The following PITPNM1 variants were observed in gnomAD, a reference collection of about 807,000 sequenced individuals.
The protein encoded by PITPNM1 is membrane-associated phosphatidylinositol transfer protein 1.
PITPNM1 carries 74 observed loss-of-function variants against 133.3 expected under a neutral mutation model. The observed-to-expected ratio is 0.56, with a 90% CI of 0.46 to 0.67. The LOEUF (loss-of-function observed/expected upper bound fraction) is 0.67. PITPNM1 is among the 30% of genes least tolerant of loss of function. The pLI is 0.00. For missense variants in PITPNM1, 1,398 were observed against 1,739.5 expected (o/e 0.80, Z 3.49); for synonymous variants, 738 against 741.4 (o/e 1.00, Z 0.08).
Position 67,499,983 on chromosome 11 carries a change from C to CA in PITPNM1, c.993dup (p.Glu332Ter). The CA allele has an allele frequency of 6.2e-7, 1 of 1,612,600 alleles. No individual in the cohort carries two copies. Among genetic ancestry groups the CA allele is most frequent in the Non-Finnish European group, 8.5e-7 (1 of 1,179,864 alleles). ...CGGGCAATGTTCTGCATGCGCCACT[C>CA]AGACAAGCTCTGGGGAGACACAGCC... On this transcript the variant is annotated frameshift_variant, in exon 7 of 24. Transcript: ENST00000356404. LOFTEE classifies it high-confidence loss of function.
Position 67,493,982 on chromosome 11 carries a change from A to G in PITPNM1, c.2948T>C (p.Phe983Ser), listed in dbSNP as rs2134273127. ...CAGCGCGCGTTCTGGGGGAACTGGG[A>G]AGGTGAGGCGGCCCGAGCTATTGGT... ...EVTNSSGRLT[F>S]PVPPERALGI... is the part of the protein sequence containing the mutation. Residue 983 changes from phenylalanine (F) to serine (S), a missense_variant, in exon 20 of 24, where the codon TTC (phenylalanine) becomes TCC (serine). Transcript: ENST00000356404. 1 of 1,611,910 alleles carries G rather than the reference A, an allele frequency of 6.2e-7. No homozygotes were observed. Among genetic ancestry groups the G allele is most frequent in the Non-Finnish European group, 8.5e-7 (1 of 1,179,530 alleles).
rs201226579 is a variant in PITPNM1, at chr11:67,494,963, G to T, written c.2632-7C>A. 6.2e-7 allele frequency: 1 copy of T among 1,611,546 alleles called. No individual in the cohort carries two copies. The highest frequency in any genetic ancestry group is 8.5e-7 in the Non-Finnish European group (1 of 1,179,084). The stretch of plus-strand genomic sequence containing the variant: ...GCCGCTCCTTCTCGATCACCTGCAC[G>T]GGACAGGGGGCGAGGCCTCTGTCTC... On this transcript the variant is annotated splice_region_variant and splice_polypyrimidine_tract_variant and intron_variant, in intron 17 of 23. Transcript: ENST00000356404.
At chr11:67,496,120 TCCTCCCTTCCTGTGTGTGC>T in intron 15 of PITPNM1, 39 bp downstream of exon 15, 1 of 1,412,372 alleles carries the variant, frequency 7.1e-7, no homozygotes, top group Non-Finnish European at 9.3e-7. Flanking sequence ...TTCTGCTACC[TCCTCCCTTCCTGTGTGTGC>T]CCTCCTCCTT....
At chr11:67,494,404 GGGATGCTTGGGGAGGGGGAGCGGGTGA>G (rs1426677286) in intron 18 of PITPNM1, 44 bp from the exon 19 acceptor site, 2 of 1,382,504 alleles carry the variant, frequency 1.4e-6, no homozygotes, top group Admixed American at 4.1e-5. Flanking sequence ...GCAAAGGATG[GGGATGCTTGGGGAGGGGGAGCGGGTGA>G]GGATCCACAC....
chr11:67,495,602 G>A lies in PITPNM1; in HGVS notation c.2318C>T (p.Ala773Val). 1 of 1,563,678 alleles carries A rather than the reference G, an allele frequency of 6.4e-7. No homozygotes were observed. Among genetic ancestry groups the A allele is most frequent in the South Asian group, 1.2e-5 (1 of 84,454 alleles). The change falls in exon 16 of 24, where the codon GCC becomes GTC. Residue 773 changes from alanine to valine, a missense_variant and splice_region_variant. Physicochemically the swap from Ala to Val is moderately conservative, Grantham distance 64. Transcript: ENST00000356404. ...PLGDGSSLLL[A>V]DTLQTHSSLF... is the part of the protein sequence containing the mutation. ...GCTGGAGTGCGTCTGCAGAGTGTCG[G>A]CTGGGGGAAGGAGGGCAAGGTCAGC... is the stretch of plus-strand genomic sequence containing the variant.
In PITPNM1 at chr11:67,494,259, C is replaced by A. The variant is rs764353042; in HGVS notation, c.2844G>T (p.Thr948=). ...RFMYGPLDVV[T]LTGEKVDVYI... ...GGGTCCTGACCTTCTCTCCAGTGAGCGTGACGACGTCCAGGGGCCCGTACA... is the reference window on the plus strand; with the variant it reads ...GGGTCCTGACCTTCTCTCCAGTGAGAGTGACGACGTCCAGGGGCCCGTACA... The change falls in exon 19 of 24, where the codon ACG becomes ACT. Residue 948 remains threonine, a synonymous_variant. Coordinates refer to ENST00000356404, the MANE Select transcript of PITPNM1 (RefSeq NM_004910.3). The A allele has an allele frequency of 6.2e-7, 1 of 1,612,442 alleles. No individual in the cohort carries two copies. The highest frequency in any genetic ancestry group is 8.5e-7 in the Non-Finnish European group (1 of 1,179,660).
intron 8 of PITPNM1, 94 bp downstream of exon 8, chr11:67,499,629 C>T: frequency 5.7e-6 from 3 of 526,128 alleles, no homozygotes; most frequent in South Asian, 4.6e-5. Context: ...TTAATGAGCA[C>T]CTCTTCAGAT....
At chr11:67,493,279 C>T (rs1414141029) in intron 22 of PITPNM1, 131 bp downstream of exon 22, 2 of 1,127,468 alleles carry the variant, frequency 1.8e-6, no homozygotes, top group Admixed American at 2.8e-5. Flanking sequence ...AGGACCGTAG[C>T]GGGCCGCTGC....
Position 67,502,291 on chromosome 11 carries a change from C to T in PITPNM1, c.415+1G>A. On this transcript the variant is annotated splice_donor_variant, in intron 4 of 23. Coordinates refer to ENST00000356404, the MANE Select transcript of PITPNM1 (RefSeq NM_004910.3). LOFTEE classifies it high-confidence loss of function. This position sits in a 1 kb window ranked among gnomAD's most constrained non-coding sequence, Gnocchi z 5.9. ...GGTCCCCCCATAGCTCCAGGCCTCA[C>T]CCAGGATGCGCTGTCTCCTCTCGGC... is the stretch of plus-strand genomic sequence containing the variant. The T allele has an allele frequency of 6.2e-7, 1 of 1,612,768 alleles. No homozygotes were observed. Among genetic ancestry groups the T allele is most frequent in the Non-Finnish European group, 8.5e-7 (1 of 1,179,946 alleles).
rs1344512317 is a variant in PITPNM1, at chr11:67,495,095, C to T, written c.2613G>A (p.Val871=). Residue 871 remains valine (V), a synonymous_variant, in exon 17 of 24, where the codon GTG becomes GTA. Transcript: ENST00000356404. ...HASYWESADV[V]AFILRQVIEK... ...GGCCCACCTGGCGCAGGATGAACGC[C>T]ACCACGTCGGCGGACTCCCAGTAGC... The T allele has an allele frequency of 1.9e-6, 3 of 1,612,794 alleles. No individual in the cohort carries two copies. Among genetic ancestry groups the T allele is most frequent in the Admixed American group, 3.3e-5 (2 of 59,992 alleles).
At chr11:67,492,698 G>C (rs996876993) in intron 23 of PITPNM1, among the ~76,000 whole-genome samples, 1 of 152,260 alleles carries the variant, frequency 6.6e-6, no homozygotes, top group Non-Finnish European at 1.5e-5. Flanking sequence ...AGCCATGGCC[G>C]AGTGGAACCA....
At position 67,502,850 on chromosome 11, in the gene PITPNM1, C is replaced by T. The variant is rs1565196991; in HGVS notation, c.79-132G>A. On this transcript the variant is annotated intron_variant, in intron 2 of 23. Transcript: ENST00000356404. This position sits in a 1 kb window ranked among gnomAD's most constrained non-coding sequence, Gnocchi z 5.9. ...TTTTCAACTCCCTGAAACCAGACCC[C>T]GCCCCACCAAAGCTCCCTGGGATCA... 8.4e-6 allele frequency: 7 copies of T among 837,000 alleles called. No individual in the cohort carries two copies. The highest frequency in any genetic ancestry group is 3.4e-5 in the South Asian group (2 of 58,556). 51.8% of individuals were successfully genotyped at this position (837,000 alleles called of 1,614,324 possible). A position where few individuals can be genotyped will look rare whatever the true frequency, so the allele number is the denominator to read the frequency against.
rs778936054 is a variant in PITPNM1, at chr11:67,499,014, G to A, written c.1172-13C>T. On this transcript the variant is annotated splice_polypyrimidine_tract_variant and intron_variant, in intron 8 of 23. Transcript: ENST00000356404. The stretch of plus-strand genomic sequence containing the variant: ...TCGGCTCCAGGCTCTGCAGGGCAAC[G>A]AAGCCAGTGAGAGGGACGGAGAGGA... 4.2e-5 allele frequency: 67 copies of A among 1,607,680 alleles called. No individual in the cohort carries two copies. Among genetic ancestry groups the A allele is most frequent in the South Asian group, 3.3e-4 (30 of 90,604 alleles).
rs371168850 is a variant in PITPNM1 at position 67,496,167 on chromosome 11, T to C, written c.2317+11A>G. 4.0e-6 allele frequency: 6 copies of C among 1,504,698 alleles called. No individual in the cohort carries two copies. The African/African-American group carries it at 8.8e-5, about 22-fold the overall frequency. 93.2% of individuals were successfully genotyped at this position (1,504,698 alleles called of 1,614,324 possible). ...TCCTCCTTCTCCCCTTTATCTTGTT[T>C]GGGGGCGTACCCAGCAGCAGGGATG... On this transcript the variant is annotated intron_variant, in intron 15 of 23. Coordinates refer to ENST00000356404, the MANE Select transcript of PITPNM1 (RefSeq NM_004910.3).
chr11:67,497,806 G>T, intron 12 of PITPNM1, 111 bp downstream of exon 12: 1 of 1,455,616 alleles, frequency 6.9e-7, no homozygotes, highest in Non-Finnish European at 9.4e-7. Flanking sequence ...TGAACTGGCA[G>T]GGCAGCAGGG....
At chr11:67,494,462 C>CT in intron 18 of PITPNM1, 102 bp from the exon 19 acceptor site, 2 of 780,774 alleles carry the variant, frequency 2.6e-6, no homozygotes, top group Non-Finnish European at 4.0e-6. Flanking sequence ...GGGTGGGGGC[C>CT]TAGAGGCGGC....
In PITPNM1 at chr11:67,504,174, T is replaced by C. The variant is rs749364123; in HGVS notation, c.7A>G (p.Ile3Val). ...GGCAGCAGAATGTGGTATTCCTTGA[T>C]GAGCATCCTGAAGGCGCTCGGCGGG... is the stretch of plus-strand genomic sequence containing the variant. MLIKEYHILLPMS... is the reference protein window; with the variant it reads MLVKEYHILLPMS... Residue 3 changes from isoleucine (I) to valine (V), a missense_variant, in exon 2 of 24, where the codon ATC becomes GTC. By Grantham distance (29) the Ile-to-Val change is conservative (BLOSUM62 3). This residue lies in a region of PITPNM1 where 274 missense variants were observed against 360.7 expected (regional missense o/e 0.76). Coordinates refer to ENST00000356404, the MANE Select transcript of PITPNM1 (RefSeq NM_004910.3). This position sits in a 1 kb window ranked among gnomAD's most constrained non-coding sequence, Gnocchi z 5.4. The C allele has an allele frequency of 1.2e-5, 20 of 1,605,296 alleles. No homozygotes were observed. The highest frequency in any genetic ancestry group is 1.6e-5 in the Non-Finnish European group (19 of 1,176,938).
Position 67,497,247 on chromosome 11 carries a change from C to T in PITPNM1, c.2130G>A (p.Val710=). 1.2e-6 allele frequency: 2 copies of T among 1,608,678 alleles called. No individual in the cohort carries two copies. The highest frequency in any genetic ancestry group is 1.7e-6 in the Non-Finnish European group (2 of 1,177,174). Reference sequence around the variant, plus strand: ...AGGACTCACCCTCCAGGGCGGGCATCACAGTTTTGCGCAGAGCCAGCACCA... The same window carrying T: ...AGGACTCACCCTCCAGGGCGGGCATTACAGTTTTGCGCAGAGCCAGCACCA... ...LGLVLALRKT[V]MPALEAAQMR... The change falls in exon 14 of 24, where the codon GTG becomes GTA. Residue 710 remains valine (V), a synonymous_variant. Coordinates refer to ENST00000356404, the MANE Select transcript of PITPNM1 (RefSeq NM_004910.3).
At position 67,502,059 on chromosome 11, in the gene PITPNM1, A is replaced by G. The variant is rs763421674; in HGVS notation, c.443T>C (p.Val148Ala). 1 of 1,613,082 alleles carries G rather than the reference A, an allele frequency of 6.2e-7. No individual in the cohort carries two copies. Among genetic ancestry groups the G allele is most frequent in the Non-Finnish European group, 8.5e-7 (1 of 1,179,880 alleles). ...LDTIDIVRDAVAPGEYKAEED... is the reference protein window; with the variant it reads ...LDTIDIVRDAAAPGEYKAEED... ...TTCTGCTTTGTACTCGCCTGGGGCC[A>G]CTGCATCCCGCACGATGTCGATGGT... The change falls in exon 5 of 24, where the codon GTG becomes GCG. Residue 148 changes from valine to alanine, a missense_variant. Transcript: ENST00000356404. This position sits in a 1 kb window ranked among gnomAD's most constrained non-coding sequence, Gnocchi z 5.9.
Sources: gnomAD v4.1 joint callset for allele counts (sites outside exome capture counted in the v4.1 genomes callset) on GRCh38, gnomAD v4.1.1 for gene constraint, gnomAD v4.1.1 regional missense constraint, Gnocchi (gnomAD v3.1) non-coding constraint, MANE v1.5 for transcripts, NCBI Gene and HGNC (gene_info 2026-07-23, HGNC 2026-07-21) for gene names.